Variants in MAN1C1 observed in about 807,000 individuals in gnomAD.
The protein encoded by MAN1C1 is mannosidase alpha class 1C member 1.
In MAN1C1, 49 loss-of-function variants were observed where a neutral mutation model predicts 71.5. The ratio of observed to expected loss-of-function variants is 0.69; its 90% CI spans 0.54 to 0.87. The LOEUF is 0.87. Ranked by LOEUF, MAN1C1 falls within the 40% of genes least tolerant of loss-of-function variation. The pLI is 0.00. For missense variants in MAN1C1, 743 were observed against 835.0 expected, an observed-to-expected ratio of 0.89 and a Z score of 1.36; for synonymous variants, 352 against 343.7, an observed-to-expected ratio of 1.02 and a Z score of -0.27.
intron 2 of MAN1C1, among the ~76,000 whole-genome samples, chr1:25,733,254 GGGT>G (rs2046934595): frequency 1.3e-5 from 2 of 152,094 alleles, no homozygotes; most frequent in African/African-American, 4.8e-5. Context: ...AAACCAAGAT[GGGT>G]AGCTCTGGAG....
Position 25,711,844 on chromosome 1 carries a change from A to T in MAN1C1, c.637+25308A>T, listed in dbSNP as rs569443754. On this transcript the variant is annotated intron_variant, in intron 2 of 11. Coordinates refer to ENST00000374332, the MANE Select transcript of MAN1C1 (RefSeq NM_020379.4). The surrounding 1 kb of genome is among the most constrained non-coding windows in gnomAD (Gnocchi z 4.3). ...TTTATTTTACTAAAAGATTCCTTTC[A>T]TTCAGATCATGAGACAGAATTGGGA... 6.6e-6 allele frequency among the ~76,000 whole-genome samples: 1 copy of T among 152,246 alleles called. No homozygotes were observed. Among genetic ancestry groups the T allele is most frequent in the Admixed American group, 6.5e-5 (1 of 15,284 alleles).
At chr1:25,678,127 C>CA (rs921408725) in intron 1 of MAN1C1, among the ~76,000 whole-genome samples, 4 of 152,078 alleles carry the variant, frequency 2.6e-5, no homozygotes, top group Admixed American at 6.5e-5. Flanking sequence ...TATTTTCTTT[C>CA]AGTCTTTTTT....
intron 1 of MAN1C1, among the ~76,000 whole-genome samples, chr1:25,664,545 A>G (rs2045894457): frequency 6.6e-6 from 1 of 152,230 alleles, no homozygotes; most frequent in African/African-American, 2.4e-5. Context: ...TTATGAATTA[A>G]AGCCCTGGCT....
In MAN1C1 at chr1:25,701,153, C is replaced by T. The variant is rs140343122; in HGVS notation, c.637+14617C>T. Among the ~76,000 whole-genome samples the T allele has an allele frequency of 2.0e-3, 307 of 152,320 alleles. 3 individuals carry two copies. In the East Asian group the frequency reaches 0.029, roughly 14 times the overall value. ...GAAGGGGCGGCAAAGGCACCATTGC[C>T]GGGACCAGAGGAGTCATTGTGCAGC... On this transcript the variant is annotated intron_variant, in intron 2 of 11. Coordinates refer to ENST00000374332, the MANE Select transcript of MAN1C1 (RefSeq NM_020379.4).
At chr1:25,645,175 T>A (rs2045596631) in intron 1 of MAN1C1, 1 of 152,318 alleles carries the variant, frequency 6.6e-6, no homozygotes, top group Non-Finnish European at 1.5e-5. Context: ...CTCCTGGGCT[T>A]TGTTCCCTTG....
chr1:25,659,714 A>C (rs1312076611), intron 1 of MAN1C1, among the ~76,000 whole-genome samples: 1 of 152,222 alleles, frequency 6.6e-6, no homozygotes, highest in Non-Finnish European at 1.5e-5. Context: ...GGATGCACTC[A>C]GGGATGACTC....
intron 9 of MAN1C1, 169 bp from the exon 10 acceptor site, chr1:25,780,771 C>T: frequency 1.6e-6 from 1 of 642,806 alleles, no homozygotes; most frequent in Admixed American, 2.8e-5. Context: ...GGAAGCTGTG[C>T]ATCTGCCCGG....
intron 7 of MAN1C1, among the ~76,000 whole-genome samples, chr1:25,765,542 A>T (rs1211076238): frequency 6.6e-6 from 1 of 152,214 alleles, no homozygotes; most frequent in African/African-American, 2.4e-5. Flanking sequence ...TTAGGGGGGA[A>T]TTCACTGTAT....
At chr1:25,671,403 T>C (rs1402537298) in intron 1 of MAN1C1, among the ~76,000 whole-genome samples, 1 of 152,196 alleles carries the variant, frequency 6.6e-6, no homozygotes, top group Non-Finnish European at 1.5e-5. Flanking sequence ...ACTCCCTCTT[T>C]ATGGCCAAGC....
chr1:25,689,035 G>C (rs148873068), intron 2 of MAN1C1, among the ~76,000 whole-genome samples: 70 of 152,356 alleles, frequency 4.6e-4, no homozygotes, highest in African/African-American at 1.7e-3. Context: ...TGGCACCTGG[G>C]AAAGGGAGAT....
At chr1:25,718,408 A>G (rs887512816) in intron 2 of MAN1C1, among the ~76,000 whole-genome samples, 2 of 151,718 alleles carry the variant, frequency 1.3e-5, no homozygotes, top group South Asian at 2.1e-4. Context: ...GGATATTTTT[A>G]CCTCTCTCTT....
At chr1:25,696,728 C>G (rs1279186943) in intron 2 of MAN1C1, among the ~76,000 whole-genome samples, 1 of 152,106 alleles carries the variant, frequency 6.6e-6, no homozygotes, top group South Asian at 2.1e-4. Context: ...CTCACTGCAG[C>G]CTCTAACTCC....
intron 2 of MAN1C1, among the ~76,000 whole-genome samples, chr1:25,723,766 T>C (rs180962419): frequency 1.3e-5 from 2 of 152,234 alleles, no homozygotes; most frequent in East Asian, 3.9e-4. Context: ...TTTGTGAAGA[T>C]TAGATGGGTT....
intron 1 of MAN1C1, among the ~76,000 whole-genome samples, chr1:25,647,585 G>A (rs1430979961): frequency 6.6e-6 from 1 of 152,136 alleles, no homozygotes; most frequent in African/African-American, 2.4e-5. Context: ...CTGGGGGTTA[G>A]GTTCTGAATC....
chr1:25,628,967 T>C (rs900107373), intron 1 of MAN1C1, among the ~76,000 whole-genome samples: 2 of 152,236 alleles, frequency 1.3e-5, no homozygotes. Flanking sequence ...GGCATATATA[T>C]ACCACATTTT....
In MAN1C1 at chr1:25,618,057, C is replaced by A; in HGVS notation, c.260C>A (p.Ala87Asp). The change falls in exon 1 of 12, where the codon GCC becomes GAC. Residue 87 changes from alanine to aspartate, a missense_variant. Ala to Asp is a moderately radical substitution (Grantham distance 126, BLOSUM62 -2). Coordinates refer to ENST00000374332, the MANE Select transcript of MAN1C1 (RefSeq NM_020379.4). ...EQEPPPNPAP[A>D]APAPGEDDPS... ...GAGCCGCCTCCCAACCCGGCCCCCG[C>A]CGCGCCGGCCCCGGGCGAGGATGAC... The A allele has an allele frequency of 6.4e-7, 1 of 1,558,088 alleles. No homozygotes were observed. Among genetic ancestry groups the A allele is most frequent in the South Asian group, 1.2e-5 (1 of 86,414 alleles).
At chr1:25,685,400 C>T (rs557414497) in intron 1 of MAN1C1, among the ~76,000 whole-genome samples, 213 of 152,350 alleles carry the variant, frequency 1.4e-3, no homozygotes, top group African/African-American at 4.8e-3. Context: ...TCCTCCTCTG[C>T]TCCACGGGTC....
In MAN1C1 at chr1:25,778,467, T is replaced by G; in HGVS notation, c.1477+143T>G. 1.3e-5 allele frequency: 10 copies of G among 779,468 alleles called. No homozygotes were observed. Among genetic ancestry groups the G allele is most frequent in the Non-Finnish European group, 2.0e-5 (10 of 494,446 alleles). The allele number at this position is 779,468 out of a possible 1,614,324, so 48.3% of individuals were successfully genotyped here. ...GAAGTTAAGTAGAATTTGAGAGAGG[T>G]ACTCTCCAGGCTCCGAGACCATACC... On this transcript the variant is annotated intron_variant, in intron 9 of 11. Transcript: ENST00000374332. The surrounding 1 kb of genome is among the most constrained non-coding windows in gnomAD (Gnocchi z 5.5).
At chr1:25,737,231 T>C (rs368612866) in intron 2 of MAN1C1, among the ~76,000 whole-genome samples, 2 of 152,384 alleles carry the variant, frequency 1.3e-5, no homozygotes, top group East Asian at 1.9e-4. Flanking sequence ...TCCAGCAGAC[T>C]GCTTCAGTGA....
Sources: gnomAD v4.1 joint callset for allele counts (sites outside exome capture counted in the v4.1 genomes callset) on GRCh38, gnomAD v4.1.1 for gene constraint, Gnocchi (gnomAD v3.1) non-coding constraint, MANE v1.5 for transcripts, NCBI Gene and HGNC (gene_info 2026-07-23, HGNC 2026-07-21) for gene names.